HDLBP: variants seen among roughly 807,000 people sequenced by gnomAD.
The protein encoded by HDLBP is high density lipoprotein binding protein.
HDLBP carries 30 observed loss-of-function variants against 137.3 expected under a neutral mutation model. That is an observed-to-expected ratio of 0.22 (90% CI 0.16 to 0.30). The LOEUF is 0.30. Among genes scored for constraint, HDLBP ranks in the 10% least tolerant of loss-of-function variants. The probability of loss-of-function intolerance (pLI) is 1.00; values close to 1 mark genes in which losing one functional copy is unlikely to be tolerated. For synonymous variants in HDLBP, 606 were observed against 596.0 expected, an observed-to-expected ratio of 1.02 and a Z score of -0.24; for missense variants, 1,119 against 1,667.3, an observed-to-expected ratio of 0.67 and a Z score of 5.73.
chr2:241,313,308 C>T (rs1167622775), intron 1 of HDLBP, among the ~76,000 whole-genome samples: 3 of 152,172 alleles, frequency 2.0e-5, no homozygotes, highest in Non-Finnish European at 4.4e-5. Flanking sequence ...GAGACACAGT[C>T]TCACTCTGTC....
chr2:241,301,996 C>T lies in HDLBP; in HGVS notation c.-103+13574G>A, dbSNP rs191162015. Among the ~76,000 whole-genome samples the T allele has an allele frequency of 1.3e-4, 19 of 150,270 alleles. No individual in the cohort carries two copies. In the East Asian group the frequency reaches 3.5e-3, roughly 28 times the overall value. On this transcript the variant is annotated intron_variant, in intron 1 of 27. Transcript: ENST00000310931. Reference sequence around the variant, plus strand: ...CTGTAATCCCAACACTTTGGGAGGCCGAGGTGGGAGGACTGCTTGAGGTCG... The same window carrying T: ...CTGTAATCCCAACACTTTGGGAGGCTGAGGTGGGAGGACTGCTTGAGGTCG...
intron 4 of HDLBP, among the ~76,000 whole-genome samples, chr2:241,263,463 T>C (rs1015318948): frequency 1.3e-5 from 2 of 152,086 alleles, no homozygotes; most frequent in Non-Finnish European, 2.9e-5. Flanking sequence ...CGTTGCTTTA[T>C]GGAGAAGAAC....
chr2:241,304,680 G>C (rs1033033933), intron 1 of HDLBP, among the ~76,000 whole-genome samples: 1 of 152,202 alleles, frequency 6.6e-6, no homozygotes, highest in African/African-American at 2.4e-5. Context: ...CAACTTTACA[G>C]CGTGTATTTC....
At position 241,229,948 on chromosome 2, in the gene HDLBP, A is replaced by C; in HGVS notation, c.3605T>G (p.Val1202Gly). Residue 1202 changes from valine to glycine, a missense_variant, in exon 27 of 28, where the codon GTG (valine) becomes GGG (glycine). By Grantham distance (109) the Val-to-Gly change is moderately radical. Transcript: ENST00000310931. ...NLEEEYLADV[V>G]DSEALQVYMK... ...GTATACCTGCAGCGCCTCACTGTCC[A>C]CCACGTCAGCTAGCTGCAGGCAGAA... The C allele has an allele frequency of 1.9e-6, 3 of 1,600,950 alleles. No individual in the cohort carries two copies. Among genetic ancestry groups the C allele is most frequent in the Non-Finnish European group, 2.6e-6 (3 of 1,172,880 alleles).
At chr2:241,253,767 C>T (rs759706811) in intron 9 of HDLBP, among the ~76,000 whole-genome samples, 16 of 152,292 alleles carry the variant, frequency 1.1e-4, no homozygotes, top group African/African-American at 2.4e-4. Context: ...ATAAAGCATG[C>T]GACATGCGAC....
At chr2:241,262,657 G>T in intron 5 of HDLBP, 54 bp downstream of exon 5, 1 of 1,367,584 alleles carries the variant, frequency 7.3e-7, no homozygotes, top group Non-Finnish European at 1.0e-6. Context: ...TCAGGAGCCG[G>T]GTAATGGAAC....
intron 1 of HDLBP, among the ~76,000 whole-genome samples, chr2:241,277,417 A>G (rs1401900293): frequency 2.6e-5 from 4 of 152,244 alleles, no homozygotes; most frequent in Non-Finnish European, 5.9e-5. Flanking sequence ...GACAAGTTCA[A>G]TCTCTGGCAA....
In HDLBP at chr2:241,229,961, G is replaced by A; in HGVS notation, c.3592C>T (p.Leu1198=). 6.3e-7 allele frequency: 1 copy of A among 1,594,688 alleles called. No homozygotes were observed. Among genetic ancestry groups the A allele is most frequent in the South Asian group, 1.1e-5 (1 of 88,290 alleles). The change falls in exon 27 of 28, where the codon CTA becomes TTA. Residue 1198 remains leucine (L), a splice_region_variant and synonymous_variant. Coordinates refer to ENST00000310931, the MANE Select transcript of HDLBP (RefSeq NM_005336.6). ...DHILNLEEEY[L]ADVVDSEALQ... is the part of the protein sequence containing the mutation. ...GCCTCACTGTCCACCACGTCAGCTA[G>A]CTGCAGGCAGAAGACAGGAAGACAG...
intron 1 of HDLBP, among the ~76,000 whole-genome samples, chr2:241,306,059 C>T (rs1466152863): frequency 1.3e-5 from 2 of 151,312 alleles, no homozygotes; most frequent in Admixed American, 1.3e-4. Context: ...CGCGCCCGGC[C>T]AAAAAGTTTT....
At chr2:241,302,682 C>T (rs1029461137) in intron 1 of HDLBP, 3 of 152,388 alleles carry the variant, frequency 2.0e-5, no homozygotes, top group African/African-American at 7.2e-5. Context: ...GGATAAGAGC[C>T]CTTTTCTCCA....
At position 241,242,686 on chromosome 2, in the gene HDLBP, C is replaced by T; in HGVS notation, c.1951-8G>A. The T allele has an allele frequency of 6.2e-7, 1 of 1,609,952 alleles. No homozygotes were observed. Among genetic ancestry groups the T allele is most frequent in the Non-Finnish European group, 8.5e-7 (1 of 1,177,072 alleles). On this transcript the variant is annotated splice_region_variant and splice_polypyrimidine_tract_variant and intron_variant, in intron 16 of 27. Coordinates refer to ENST00000310931, the MANE Select transcript of HDLBP (RefSeq NM_005336.6). ...TACCTCGGCTATGTTGGCCTGAAAC[C>T]AAACACAGGGCAGGAGGAGGAAGTC...
chr2:241,292,102 G>A lies in HDLBP; in HGVS notation c.-103+23468C>T, dbSNP rs150213031. Among the ~76,000 whole-genome samples the A allele has an allele frequency of 2.8e-4, 42 of 152,270 alleles. No individual in the cohort carries two copies. In the South Asian group the frequency reaches 3.3e-3, roughly 12 times the overall value. ...AAAGAACTCTATAATTCAACCTACT[G>A]ACACCGCACCCGACATCATGTAACC... On this transcript the variant is annotated intron_variant, in intron 1 of 27. Coordinates refer to ENST00000310931, the MANE Select transcript of HDLBP (RefSeq NM_005336.6).
intron 12 of HDLBP, 130 bp downstream of exon 12, chr2:241,249,711 G>A (rs527874723): frequency 9.4e-5 from 81 of 858,802 alleles, no homozygotes; most frequent in South Asian, 3.5e-4. Flanking sequence ...AGTCCAATCC[G>A]GTTCCAGTGC....
At position 241,262,771 on chromosome 2, in the gene HDLBP, T is replaced by C. The variant is rs769364306; in HGVS notation, c.390A>G (p.Ser130=). 5.0e-6 allele frequency: 8 copies of C among 1,614,086 alleles called. No homozygotes were observed. In the Admixed American group the frequency reaches 6.7e-5, roughly 13 times the overall value. The change falls in exon 5 of 28, where the codon TCA becomes TCG. Residue 130 remains serine, a synonymous_variant. Coordinates refer to ENST00000310931, the MANE Select transcript of HDLBP (RefSeq NM_005336.6). ...AKDQGLSIMV[S]GKLDAVMKAR... is the part of the protein sequence containing the mutation. ...CTTTCATGACAGCATCCAGCTTTCC[T>C]GACACCATGATGGAGAGGCCTTGGT...
rs6720859 is a variant in HDLBP at position 241,276,300 on chromosome 2, T to C, written c.-102-7759A>G. 1.2e-4 allele frequency among the ~76,000 whole-genome samples: 19 copies of C among 152,342 alleles called. 1 individual carries two copies. Among genetic ancestry groups the C allele is most frequent in the African/African-American group, 2.9e-4 (12 of 41,584 alleles). ...TAAACTCTTACTCAAATGGAAGTTA[T>C]TGGCAATGTTCTAGATCTTGGATTA... On this transcript the variant is annotated intron_variant, in intron 1 of 27. Coordinates refer to ENST00000310931, the MANE Select transcript of HDLBP (RefSeq NM_005336.6).
rs1056860340 is a variant in HDLBP at position 241,227,356 on chromosome 2, C to A, written c.*2245G>T. On this transcript the variant is annotated 3_prime_UTR_variant, in exon 28 of 28. Coordinates refer to ENST00000310931, the MANE Select transcript of HDLBP (RefSeq NM_005336.6). Reference sequence around the variant, plus strand: ...TGTCATCCATATTCATGAGCCTTTACACATGTTTGCATATAATCTCCAAAT... The same window carrying A: ...TGTCATCCATATTCATGAGCCTTTAAACATGTTTGCATATAATCTCCAAAT... 6.6e-6 allele frequency: 1 copy of A among 152,538 alleles called. No homozygotes were observed. The highest frequency in any genetic ancestry group is 1.5e-5 in the Non-Finnish European group (1 of 68,030). The allele number at this position is 152,538 out of a possible 1,614,324, so 9.4% of individuals were successfully genotyped here.
chr2:241,238,448 A>C lies in HDLBP; in HGVS notation c.2749+201T>G. 2.3e-6 allele frequency: 1 copy of C among 426,508 alleles called. No homozygotes were observed. The allele number at this position is 426,508 out of a possible 1,614,324, so 26.4% of individuals were successfully genotyped here. On this transcript the variant is annotated intron_variant, in intron 20 of 27. Coordinates refer to ENST00000310931, the MANE Select transcript of HDLBP (RefSeq NM_005336.6). The surrounding 1 kb of genome is among the most constrained non-coding windows in gnomAD (Gnocchi z 4.9). ...TGTGTCTCTAGGACCTATGAAGGTC[A>C]CCTGGTCACTCTGTCAGTAACTGAC...
intron 1 of HDLBP, among the ~76,000 whole-genome samples, chr2:241,303,092 A>C (rs1363488790): frequency 6.6e-6 from 1 of 152,234 alleles, no homozygotes; most frequent in African/African-American, 2.4e-5. Context: ...TTTGCAGCTG[A>C]GATAAGAATA....
At chr2:241,304,708 T>C (rs1178015757) in intron 1 of HDLBP, among the ~76,000 whole-genome samples, 1 of 152,246 alleles carries the variant, frequency 6.6e-6, no homozygotes, top group African/African-American at 2.4e-5. Context: ...AATACCTATC[T>C]TGCTGCAAAG....
Sources: gnomAD v4.1 joint callset for allele counts (sites outside exome capture counted in the v4.1 genomes callset) on GRCh38, gnomAD v4.1.1 for gene constraint, Gnocchi (gnomAD v3.1) non-coding constraint, MANE v1.5 for transcripts, NCBI Gene and HGNC (gene_info 2026-07-23, HGNC 2026-07-21) for gene names.